The following ADAP1 variants were observed in gnomAD, a reference collection of about 807,000 sequenced individuals.
ADAP1 encodes the protein arf-GAP with dual PH domain-containing protein 1.
In ADAP1, 31 loss-of-function variants were observed where a neutral mutation model predicts 54.9. The observed-to-expected ratio is 0.56, with a 90% CI of 0.42 to 0.76. The LOEUF is 0.76. ADAP1 is among the 30% of genes least tolerant of loss of function. The pLI is 0.00. For missense variants in ADAP1, 535 were observed against 512.4 expected, an observed-to-expected ratio of 1.04 and a Z score of -0.42; for synonymous variants, 313 against 202.6, an observed-to-expected ratio of 1.55 and a Z score of -4.63.
intron 6 of ADAP1, among the ~76,000 whole-genome samples, chr7:902,481 G>C (rs1368094748): frequency 6.2e-5 from 2 of 32,124 alleles, no homozygotes; most frequent in Non-Finnish European, 1.2e-4. Flanking sequence ...AGAAAGAAAA[G>C]AAAGAAAGAA....
intron 4 of ADAP1, 105 bp from the exon 5 acceptor site, chr7:905,277 G>GAGA: frequency 2.5e-6 from 1 of 393,062 alleles, no homozygotes; most frequent in Non-Finnish European, 4.2e-6. Flanking sequence ...AGACACGGGG[G>GAGA]ACACGGACGG....
At chr7:925,639 G>A (rs1846356425) in intron 3 of ADAP1, among the ~76,000 whole-genome samples, 1 of 152,258 alleles carries the variant, frequency 6.6e-6, no homozygotes, top group Admixed American at 6.5e-5. Flanking sequence ...GCAGCTCCTG[G>A]GCAGGCAGAG....
Position 898,467 on chromosome 7 carries a change from T to C in ADAP1, c.*454A>G, listed in dbSNP as rs542334193. 3 of 242,446 alleles carry C rather than the reference T, an allele frequency of 1.2e-5. No individual in the cohort carries two copies. In the South Asian group the frequency reaches 1.6e-4, roughly 13 times the overall value. 15.0% of individuals were successfully genotyped at this position (242,446 alleles called of 1,614,324 possible). On this transcript the variant is annotated 3_prime_UTR_variant, in exon 11 of 11. Coordinates refer to ENST00000265846, the MANE Select transcript of ADAP1 (RefSeq NM_006869.4). ...ACAACAGGCGCTCAATAAATAGTCG[T>C]GGAGGTGGGGGGAGGGCGGGGCGGC...
chr7:901,529 C>T (rs2128633661), intron 6 of ADAP1: 1 of 158,320 alleles, frequency 6.3e-6, no homozygotes. Flanking sequence ...CACGGCTTCT[C>T]CAGCTGGCAC....
intron 4 of ADAP1, among the ~76,000 whole-genome samples, chr7:918,294 G>A (rs1534408): frequency 0.5 from 75,988 of 152,084 alleles, 20,247 homozygotes; most frequent in East Asian, 0.82. Flanking sequence ...ACAGCTCACC[G>A]TAGCCTCAAA....
intron 6 of ADAP1, among the ~76,000 whole-genome samples, chr7:901,688 G>A (rs1407158821): frequency 6.7e-6 from 1 of 149,798 alleles, no homozygotes; most frequent in African/African-American, 2.5e-5. Context: ...TTCTCCTGTG[G>A]CCCTTCCTCC....
chr7:914,338 G>A (rs1311626527), intron 4 of ADAP1, among the ~76,000 whole-genome samples: 5 of 152,242 alleles, frequency 3.3e-5, no homozygotes, highest in African/African-American at 9.6e-5. Flanking sequence ...CCCTGTGGTC[G>A]TGAGGTGTCG....
chr7:906,674 T>A (rs1440752260), intron 4 of ADAP1, among the ~76,000 whole-genome samples: 18 of 60,550 alleles, frequency 3.0e-4, no homozygotes, highest in East Asian at 2.3e-3. Flanking sequence ...AAAGGGGACA[T>A]GGACAGGGGA....
At chr7:929,856 C>T (rs1357019969) in intron 2 of ADAP1, among the ~76,000 whole-genome samples, 1 of 151,700 alleles carries the variant, frequency 6.6e-6, no homozygotes, top group East Asian at 2.0e-4. Flanking sequence ...GTAATCCCAG[C>T]GCTTGGGAGA....
intron 2 of ADAP1, among the ~76,000 whole-genome samples, chr7:930,624 G>C (rs538870294): frequency 2.4e-4 from 36 of 151,840 alleles, no homozygotes; most frequent in African/African-American, 8.5e-4. Flanking sequence ...TTCAAGGCCA[G>C]CCTGGCCAAC....
At chr7:952,726 C>G (rs951519519) in intron 1 of ADAP1, among the ~76,000 whole-genome samples, 3 of 152,176 alleles carry the variant, frequency 2.0e-5, no homozygotes, top group African/African-American at 7.2e-5. Context: ...CATCCCCCCT[C>G]CATGGCGCTA....
At position 934,928 on chromosome 7, in the gene ADAP1, G is replaced by A. The variant is rs549178018; in HGVS notation, c.213+447C>T. 8.5e-5 allele frequency among the ~76,000 whole-genome samples: 13 copies of A among 152,268 alleles called. No individual in the cohort carries two copies. The South Asian group carries it at 2.3e-3, about 27-fold the overall frequency. ...GGGGACAGGTAATGGTGCCCTACAC[G>A]GCAGCGGGCCGGGGTGCACGTGGAC... On this transcript the variant is annotated intron_variant, in intron 2 of 10. Transcript: ENST00000265846.
At chr7:949,556 C>T (rs1562939060) in intron 1 of ADAP1, among the ~76,000 whole-genome samples, 1 of 152,254 alleles carries the variant, frequency 6.6e-6, no homozygotes, top group Non-Finnish European at 1.5e-5. Flanking sequence ...TAGCTCACAG[C>T]ATCTGTGCGT....
At chr7:906,689 G>GAAAGGAGAAAGGAGAAA in intron 4 of ADAP1, among the ~76,000 whole-genome samples, 1 of 51,160 alleles carries the variant, frequency 2.0e-5, no homozygotes, top group South Asian at 8.0e-4. Context: ...AGGGGACACG[G>GAAAGGAGAAAGGAGAAA]GGGACATGGA....
intron 4 of ADAP1, among the ~76,000 whole-genome samples, chr7:905,819 GA>G (rs1373177119): frequency 2.7e-5 from 1 of 36,950 alleles, no homozygotes; most frequent in African/African-American, 7.6e-5. Context: ...AAGGAGAAGG[GA>G]GAAGGGAGAA....
intron 6 of ADAP1, chr7:901,247 C>T (rs1006686643): frequency 2.8e-6 from 1 of 353,840 alleles, no homozygotes; most frequent in Non-Finnish European, 5.6e-6. Flanking sequence ...AGACTTCAGC[C>T]TGGCTGTCCC....
chr7:906,731 G>T (rs1367226353), intron 4 of ADAP1, among the ~76,000 whole-genome samples: 1 of 29,264 alleles, frequency 3.4e-5, no homozygotes, highest in Non-Finnish European at 6.3e-5. Context: ...GACGGGACAT[G>T]GGGGACAGAG....
intron 4 of ADAP1, among the ~76,000 whole-genome samples, chr7:912,737 G>A (rs569823881): frequency 5.4e-4 from 82 of 152,346 alleles, no homozygotes; most frequent in African/African-American, 1.8e-3. Flanking sequence ...GAATCTCGCT[G>A]TTGCCCAGGC....
chr7:922,137 TG>T (rs1352954016), intron 3 of ADAP1, among the ~76,000 whole-genome samples: 10 of 152,210 alleles, frequency 6.6e-5, no homozygotes, highest in African/African-American at 2.4e-4. Context: ...CCCACAGCCC[TG>T]GAGGGGCCGC....
Sources: gnomAD v4.1 joint callset for allele counts (sites outside exome capture counted in the v4.1 genomes callset) on GRCh38, gnomAD v4.1.1 for gene constraint, MANE v1.5 for transcripts, NCBI Gene and HGNC (gene_info 2026-07-23, HGNC 2026-07-21) for gene names.